Variants in TXNL4A observed in about 807,000 individuals in gnomAD.
TXNL4A encodes the protein thioredoxin like 4A, also known as thioredoxin-like protein 4A.
TXNL4A carries 17 observed loss-of-function variants against 14.6 expected under a neutral mutation model. The ratio of observed to expected loss-of-function variants is 1.16; its 90% confidence interval spans 0.80 to 1.74. The LOEUF (loss-of-function observed/expected upper bound fraction) is 1.74. Among genes scored for constraint, TXNL4A ranks in the 40% most tolerant of loss-of-function variants. TXNL4A has a pLI of 0.00. For synonymous variants in TXNL4A, 83 were observed against 70.6 expected (o/e 1.18, Z -0.88); for missense variants, 74 against 195.2 (o/e 0.38, Z 3.70).
intron 2 of TXNL4A, among the ~76,000 whole-genome samples, chr18:79,975,786 A>G (rs1396346871): frequency 6.6e-6 from 1 of 152,012 alleles, no homozygotes; most frequent in Non-Finnish European, 1.5e-5. Flanking sequence ...CAAAAGCAAC[A>G]CACTCGGGAT....
At chr18:80,025,703 C>G (rs896242402) in intron 1 of TXNL4A, among the ~76,000 whole-genome samples, 1 of 152,204 alleles carries the variant, frequency 6.6e-6, no homozygotes, top group African/African-American at 2.4e-5. Context: ...AATTTGAGCT[C>G]AGTATCAGAA....
chr18:80,026,723 G>A (rs1005155089), intron 1 of TXNL4A, among the ~76,000 whole-genome samples: 27 of 134,774 alleles, frequency 2.0e-4, no homozygotes, highest in Non-Finnish European at 3.2e-4. Flanking sequence ...TAAGTGTGAC[G>A]TGCTCAGCAG....
intron 1 of TXNL4A, among the ~76,000 whole-genome samples, chr18:80,031,567 T>C (rs2051921829): frequency 1.3e-5 from 2 of 152,236 alleles, no homozygotes; most frequent in South Asian, 4.1e-4. Flanking sequence ...GTACCACAGA[T>C]AGCTATTGAA....
chr18:79,988,190 G>A (rs769770465), intron 1 of TXNL4A, 50 bp downstream of exon 1: 8 of 1,446,452 alleles, frequency 5.5e-6, no homozygotes, highest in Non-Finnish European at 7.4e-6. Context: ...CAGAGGCGCG[G>A]GGCAGATGCG....
chr18:80,021,243 C>A (rs1312847576), intron 1 of TXNL4A, among the ~76,000 whole-genome samples: 1 of 151,604 alleles, frequency 6.6e-6, no homozygotes, highest in East Asian at 1.9e-4. Context: ...GTGCCATGAT[C>A]TCAGCTCACT....
chr18:80,023,154 A>C (rs909726274), intron 1 of TXNL4A, among the ~76,000 whole-genome samples: 2 of 152,246 alleles, frequency 1.3e-5, no homozygotes, highest in Admixed American at 6.5e-5. Flanking sequence ...TGAATGCAGA[A>C]CAGGTGCCTT....
Position 79,973,301 on chromosome 18 carries a change from C to T in TXNL4A, c.*384G>A, listed in dbSNP as rs572642168. The T allele has an allele frequency of 3.4e-4, 57 of 167,866 alleles. No homozygotes were observed. Among genetic ancestry groups the T allele is most frequent in the African/African-American group, 1.3e-3 (53 of 42,112 alleles). 10.4% of individuals were successfully genotyped at this position (167,866 alleles called of 1,614,324 possible). ...CCGCGACACCCTGATCTCAGACCCC[C>T]GCCTGCAAAGCTGTGAGAGCACACA... is the stretch of plus-strand genomic sequence containing the variant. On this transcript the variant is annotated 3_prime_UTR_variant, in exon 3 of 3. Coordinates refer to ENST00000269601, the MANE Select transcript of TXNL4A (RefSeq NM_006701.5).
chr18:80,033,119 C>T (rs1373454630), intron 1 of TXNL4A, among the ~76,000 whole-genome samples: 10 of 152,192 alleles, frequency 6.6e-5, no homozygotes, highest in Non-Finnish European at 2.9e-5. Flanking sequence ...AATAAATCTC[C>T]TAAAATGATT....
chr18:79,988,829 C>T (rs1213057894), upstream of TXNL4A, among the ~76,000 whole-genome samples: 1 of 152,196 alleles, frequency 6.6e-6, no homozygotes, highest in Non-Finnish European at 1.5e-5. Context: ...CCGAGGCCGC[C>T]CGCCGCCGCC....
intron 1 of TXNL4A, among the ~76,000 whole-genome samples, chr18:79,981,827 C>G (rs147404299): frequency 1.3e-5 from 2 of 152,228 alleles, no homozygotes; most frequent in African/African-American, 4.8e-5. Context: ...TCACGTGCCA[C>G]GAGAACGTGA....
intron 1 of TXNL4A, among the ~76,000 whole-genome samples, chr18:80,001,972 T>C (rs763077004): frequency 2.6e-5 from 4 of 152,172 alleles, no homozygotes; most frequent in Non-Finnish European, 5.9e-5. Flanking sequence ...GATGCAATGG[T>C]ATTGTTTGGC....
intron 1 of TXNL4A, among the ~76,000 whole-genome samples, chr18:79,985,006 C>T (rs186677064): frequency 4.0e-4 from 60 of 151,890 alleles, no homozygotes; most frequent in Middle Eastern, 3.4e-3. Context: ...TCTCCTGTGA[C>T]GGCGTTCCCA....
chr18:79,986,709 C>T (rs562644054), intron 1 of TXNL4A: 14 of 985,456 alleles, frequency 1.4e-5, no homozygotes, highest in African/African-American at 8.7e-5. Context: ...CTCGAGCTGC[C>T]GGCAGCAGGA....
At position 79,973,570 on chromosome 18, in the gene TXNL4A, C is replaced by T; in HGVS notation, c.*115G>A. The stretch of plus-strand genomic sequence containing the variant: ...GTTAAGACCATGTTATCAATTCCAT[C>T]TCAGAGGTGCTCCAGCCCTGGAGCT... On this transcript the variant is annotated 3_prime_UTR_variant, in exon 3 of 3. Coordinates refer to ENST00000269601, the MANE Select transcript of TXNL4A (RefSeq NM_006701.5). 1 of 1,359,236 alleles carries T rather than the reference C, an allele frequency of 7.4e-7. No individual in the cohort carries two copies. The highest frequency in any genetic ancestry group is 9.9e-7 in the Non-Finnish European group (1 of 1,008,626). The allele number at this position is 1,359,236 out of a possible 1,614,324, so 84.2% of individuals were successfully genotyped here. A position where few individuals can be genotyped will look rare whatever the true frequency, so the allele number is the denominator to read the frequency against.
chr18:80,008,297 T>C (rs1239216119), intron 1 of TXNL4A, among the ~76,000 whole-genome samples: 1 of 152,184 alleles, frequency 6.6e-6, no homozygotes, highest in Non-Finnish European at 1.5e-5. Flanking sequence ...TTAAGTTCTA[T>C]GGGGCTATCT....
At chr18:80,017,792 A>G (rs1454849363) in intron 1 of TXNL4A, among the ~76,000 whole-genome samples, 3 of 152,108 alleles carry the variant, frequency 2.0e-5, no homozygotes, top group Non-Finnish European at 4.4e-5. Flanking sequence ...TTTTTACATC[A>G]ATGTTCATCA....
chr18:80,019,026 G>C (rs1447522272), intron 1 of TXNL4A, among the ~76,000 whole-genome samples: 2 of 152,190 alleles, frequency 1.3e-5, no homozygotes, highest in Non-Finnish European at 2.9e-5. Context: ...CATTCAACAA[G>C]CCTCTAGGAA....
chr18:79,975,762 A>G (rs2051369768), intron 2 of TXNL4A, among the ~76,000 whole-genome samples: 2 of 152,206 alleles, frequency 1.3e-5, no homozygotes, highest in South Asian at 4.1e-4. Flanking sequence ...CCGCAGTTAT[A>G]GGAAGTCAGA....
At chr18:79,985,838 T>C (rs1161313588) in intron 1 of TXNL4A, 3 of 152,152 alleles carry the variant, frequency 2.0e-5, no homozygotes, top group Admixed American at 2.0e-4. Context: ...CGGAACAAGG[T>C]AAGGAAGAGT....
Sources: gnomAD v4.1 joint callset for allele counts (sites outside exome capture counted in the v4.1 genomes callset) on GRCh38, gnomAD v4.1.1 for gene constraint, MANE v1.5 for transcripts, NCBI Gene and HGNC (gene_info 2026-07-23, HGNC 2026-07-21) for gene names.